Variants in DGKH observed in about 807,000 individuals in gnomAD.
DGKH encodes diacylglycerol kinase eta.
DGKH carries 90 observed loss-of-function variants against 159.3 expected under a neutral mutation model. The observed-to-expected ratio is 0.57, with a 90% CI of 0.48 to 0.67. The LOEUF (loss-of-function observed/expected upper bound fraction) is 0.67, where lower values mean the gene tolerates loss of function less well. Ranked by LOEUF, DGKH falls within the 30% of genes least tolerant of loss-of-function variation. The pLI, the probability that DGKH is intolerant of heterozygous loss-of-function variation, is 0.00. For synonymous variants in DGKH, 536 were observed against 553.8 expected (o/e 0.97, Z 0.45); for missense variants, 1,181 against 1,506.1 (o/e 0.78, Z 3.57).
At chr13:42,124,002 G>T (rs754936426) in intron 1 of DGKH, among the ~76,000 whole-genome samples, 2 of 152,142 alleles carry the variant, frequency 1.3e-5, no homozygotes. Context: ...ATATCAAATT[G>T]TATACTTTAT....
intron 1 of DGKH, among the ~76,000 whole-genome samples, chr13:42,056,473 T>C (rs961207717): frequency 1.3e-5 from 2 of 152,254 alleles, no homozygotes; most frequent in African/African-American, 4.8e-5. Flanking sequence ...TTCAGAAATT[T>C]AGAAATACTT....
intron 1 of DGKH, among the ~76,000 whole-genome samples, chr13:42,055,241 T>C (rs1881669398): frequency 6.6e-6 from 1 of 152,182 alleles, no homozygotes; most frequent in African/African-American, 2.4e-5. Flanking sequence ...ATGATCCACA[T>C]TTAAGGGACC....
At chr13:42,077,770 G>A (rs1480631890) in intron 1 of DGKH, among the ~76,000 whole-genome samples, 2 of 152,148 alleles carry the variant, frequency 1.3e-5, no homozygotes, top group African/African-American at 4.8e-5. Context: ...AGATTTAAAG[G>A]CTGTCTACTT....
In DGKH at chr13:42,189,549, T is replaced by G. The variant is rs368844963; in HGVS notation, c.1912+240T>G. 5.9e-5 allele frequency among the ~76,000 whole-genome samples: 9 copies of G among 152,324 alleles called. No individual in the cohort carries two copies. In the South Asian group the frequency reaches 1.4e-3, roughly 25 times the overall value. ...AATAGCAGAAATAAATGGAAACATT[T>G]CTATCTAAAATACAAAACTAGTTTA... On this transcript the variant is annotated intron_variant, in intron 15 of 29. Coordinates refer to ENST00000337343, the MANE Select transcript of DGKH (RefSeq NM_178009.5).
intron 3 of DGKH, among the ~76,000 whole-genome samples, chr13:42,136,729 G>T (rs995325559): frequency 6.6e-6 from 1 of 152,042 alleles, no homozygotes; most frequent in Non-Finnish European, 1.5e-5. Context: ...AAATTTCATG[G>T]GTACGGCACA....
chr13:42,231,631 A>G lies in DGKH; in HGVS notation c.*2443A>G, dbSNP rs762582115. On this transcript the variant is annotated 3_prime_UTR_variant, in exon 30 of 30. Coordinates refer to ENST00000337343, the MANE Select transcript of DGKH (RefSeq NM_178009.5). ...ATAATGTATTAATATAAATATCTAT[A>G]TTGATTTTCACCCCCCATTCCCCTT... 1 of 152,198 alleles carries G rather than the reference A, an allele frequency of 6.6e-6. No homozygotes were observed. Among genetic ancestry groups the G allele is most frequent in the African/African-American group, 2.4e-5 (1 of 41,438 alleles). 9.4% of individuals were successfully genotyped at this position (152,198 alleles called of 1,614,324 possible).
chr13:42,228,497 CTT>C (rs2138281044), intron 29 of DGKH, among the ~76,000 whole-genome samples: 1 of 152,186 alleles, frequency 6.6e-6, no homozygotes, highest in South Asian at 2.1e-4. Flanking sequence ...TTAGGTCTCA[CTT>C]TTAAATTTAA....
chr13:42,251,698 A>G (rs1958621280), intron 29 of DGKH, among the ~76,000 whole-genome samples: 1 of 152,146 alleles, frequency 6.6e-6, no homozygotes, highest in Admixed American at 6.5e-5. Context: ...ACCACCTCGT[A>G]TTCACCTGTG....
At chr13:42,090,654 T>A (rs1417131913) in intron 1 of DGKH, among the ~76,000 whole-genome samples, 1 of 152,174 alleles carries the variant, frequency 6.6e-6, no homozygotes, top group African/African-American at 2.4e-5. Context: ...AAAGGACAAT[T>A]TTTTAACACA....
chr13:42,047,775 G>C (rs68004929), upstream of DGKH, among the ~76,000 whole-genome samples: 21,709 of 152,144 alleles, frequency 0.14, 1,760 homozygotes, highest in Non-Finnish European at 0.19. Flanking sequence ...TTTTTGTCTC[G>C]GGTACTGGTG....
chr13:42,132,602 A>G (rs1172583600), intron 3 of DGKH, among the ~76,000 whole-genome samples: 1 of 152,200 alleles, frequency 6.6e-6, no homozygotes, highest in African/African-American at 2.4e-5. Flanking sequence ...CCTTATACTT[A>G]GTTAAGTATT....
At chr13:42,052,619 T>C (rs923140620) in intron 1 of DGKH, among the ~76,000 whole-genome samples, 6 of 152,268 alleles carry the variant, frequency 3.9e-5, no homozygotes, top group Non-Finnish European at 8.8e-5. Context: ...AGGTATTTAC[T>C]GAGAATAAGA....
chr13:42,068,929 G>C, intron 1 of DGKH: 1 of 1,369,126 alleles, frequency 7.3e-7, no homozygotes, highest in East Asian at 2.4e-5. Flanking sequence ...TCTGCTGAGT[G>C]TTTTAGTTCA....
intron 1 of DGKH, among the ~76,000 whole-genome samples, chr13:42,074,783 A>G (rs1954063851): frequency 2.6e-5 from 4 of 152,050 alleles, no homozygotes. Flanking sequence ...TTAGCTGTTC[A>G]CTATCTAGTG....
At chr13:42,175,597 C>T (rs767123180) in intron 12 of DGKH, among the ~76,000 whole-genome samples, 4 of 152,038 alleles carry the variant, frequency 2.6e-5, no homozygotes, top group Non-Finnish European at 5.9e-5. Flanking sequence ...ACTTTTATCA[C>T]GTGTATAATC....
intron 1 of DGKH, among the ~76,000 whole-genome samples, chr13:42,120,060 G>A (rs1955039736): frequency 6.6e-6 from 1 of 152,118 alleles, no homozygotes; most frequent in Non-Finnish European, 1.5e-5. Flanking sequence ...CACACTTTAT[G>A]CAGCAGTGAA....
chr13:42,085,545 T>G (rs960304730), intron 1 of DGKH, among the ~76,000 whole-genome samples: 1 of 152,192 alleles, frequency 6.6e-6, no homozygotes, highest in African/African-American at 2.4e-5. Flanking sequence ...CTGTGAAATG[T>G]TAAAAGAAAT....
chr13:42,165,602 T>G (rs183176319), intron 8 of DGKH, among the ~76,000 whole-genome samples, 169 bp downstream of exon 8: 1 of 152,160 alleles, frequency 6.6e-6, no homozygotes, highest in South Asian at 2.1e-4. Context: ...AAAGAATATA[T>G]TTAAGTGAAA....
intron 1 of DGKH, among the ~76,000 whole-genome samples, chr13:42,099,708 A>G (rs537647921): frequency 6.6e-6 from 1 of 152,330 alleles, no homozygotes; most frequent in South Asian, 2.1e-4. Context: ...AGTGAAGAAA[A>G]CATGAAAAGC....
Sources: allele counts gnomAD v4.1 joint callset (sites outside exome capture counted in the v4.1 genomes callset), GRCh38; gene constraint gnomAD v4.1.1; transcripts MANE v1.5; gene names NCBI Gene and HGNC (gene_info 2026-07-23, HGNC 2026-07-21).